The following NAT1 variants were observed in gnomAD, a reference collection of about 807,000 sequenced individuals.
NAT1 encodes arylamine N-acetyltransferase 1.
For synonymous variants in NAT1, 144 were observed against 122.6 expected, an observed-to-expected ratio of 1.17 and a Z score of -1.16; for missense variants, 400 against 339.2, an observed-to-expected ratio of 1.18 and a Z score of -1.41.
chr8:18,222,657 T>C lies in NAT1; in HGVS notation c.610T>C (p.Ser204Pro). Reference protein sequence around the residue: ...LKPRTIEDFESMNTYLQTSPS... With the variant: ...LKPRTIEDFEPMNTYLQTSPS... ...GCCTCGAACAATTGAAGATTTTGAGTCTATGAATACATACCTGCAGACATC... is the reference window on the plus strand; with the variant it reads ...GCCTCGAACAATTGAAGATTTTGAGCCTATGAATACATACCTGCAGACATC... The change falls in exon 3 of 3, where the codon TCT becomes CCT. Residue 204 changes from serine (S) to proline (P), a missense_variant. Ser to Pro is a moderately conservative substitution (Grantham distance 74, BLOSUM62 -1). Coordinates refer to ENST00000307719, the MANE Select transcript of NAT1 (RefSeq NM_000662.8). 6.2e-7 allele frequency: 1 copy of C among 1,613,612 alleles called. No individual in the cohort carries two copies. Among genetic ancestry groups the C allele is most frequent in the Non-Finnish European group, 8.5e-7 (1 of 1,179,862 alleles).
chr8:18,190,773 G>A (rs114125092), intron 2 of NAT1, among the ~76,000 whole-genome samples: 1 of 151,958 alleles, frequency 6.6e-6, no homozygotes, highest in Non-Finnish European at 1.5e-5. Context: ...TATATAGATA[G>A]GTAATAAACA....
At chr8:18,186,293 C>T (rs1802732161) in intron 2 of NAT1, among the ~76,000 whole-genome samples, 1 of 152,106 alleles carries the variant, frequency 6.6e-6, no homozygotes, top group South Asian at 2.1e-4. Flanking sequence ...TATGATTGTA[C>T]ATCTAGAATT....
intron 2 of NAT1, among the ~76,000 whole-genome samples, chr8:18,173,439 G>C (rs1179112759): frequency 6.6e-6 from 1 of 151,996 alleles, no homozygotes; most frequent in Non-Finnish European, 1.5e-5. Flanking sequence ...TCACTACACA[G>C]AGGAAAAGCA....
chr8:18,220,981 T>C (rs1805220041), intron 2 of NAT1, among the ~76,000 whole-genome samples: 1 of 152,200 alleles, frequency 6.6e-6, no homozygotes, highest in East Asian at 1.9e-4. Context: ...GAAACATCAC[T>C]TTGATTGTGG....
chr8:18,209,512 C>T (rs1366857139), upstream of NAT1, among the ~76,000 whole-genome samples: 3 of 152,090 alleles, frequency 2.0e-5, no homozygotes, highest in Non-Finnish European at 4.4e-5. Context: ...TAAGAAACAG[C>T]AAGAGTTGTA....
At chr8:18,188,808 A>G (rs1438378133) in intron 2 of NAT1, among the ~76,000 whole-genome samples, 4 of 151,742 alleles carry the variant, frequency 2.6e-5, no homozygotes, top group African/African-American at 9.7e-5. Context: ...CAGCCTGGCC[A>G]ACATGATGAA....
At chr8:18,204,878 A>G (rs28680706) in intron 2 of NAT1, among the ~76,000 whole-genome samples, 1,662 of 152,312 alleles carry the variant, frequency 0.011, 35 homozygotes, top group African/African-American at 0.038. Flanking sequence ...TTTGATGACC[A>G]TGAAGTTTTG....
chr8:18,208,775 C>T (rs1803848066), upstream of NAT1, among the ~76,000 whole-genome samples: 1 of 152,196 alleles, frequency 6.6e-6, no homozygotes. Context: ...TGATTCTAGG[C>T]TGGAGGCCAC....
chr8:18,195,523 C>G lies in NAT1; in HGVS notation n.93-14258C>G, dbSNP rs534731996. ...CCTTGGTGGAAGTTTGGACCCATCC[C>G]CAGAGAACTGTATACGCTTCCTGCT... On this transcript the variant is annotated intron_variant and non_coding_transcript_variant, in intron 2 of 4. Coordinates refer to the NAT1 transcript ENST00000517441. Among the ~76,000 whole-genome samples the G allele has an allele frequency of 5.9e-5, 9 of 152,240 alleles. No individual in the cohort carries two copies. In the East Asian group the frequency reaches 1.5e-3, roughly 26 times the overall value.
intron 2 of NAT1, among the ~76,000 whole-genome samples, chr8:18,198,193 G>C (rs1392341239): frequency 1.3e-5 from 2 of 152,020 alleles, no homozygotes; most frequent in Admixed American, 1.3e-4. Flanking sequence ...TCTTCCTCCA[G>C]AATCAGAGAA....
At chr8:18,211,655 T>C (rs3850751) in intron 1 of NAT1, among the ~76,000 whole-genome samples, 53,333 of 151,952 alleles carry the variant, frequency 0.35, 10,554 homozygotes, top group Non-Finnish European at 0.45. Flanking sequence ...AGAACAACTG[T>C]TGAATGATGG....
chr8:18,205,682 A>G (rs1180048894), upstream of NAT1, among the ~76,000 whole-genome samples: 1 of 152,178 alleles, frequency 6.6e-6, no homozygotes, highest in Non-Finnish European at 1.5e-5. Context: ...CAGCAAAGCA[A>G]TGTGAGGAGT....
chr8:18,222,668 A>G lies in NAT1; in HGVS notation c.621A>G (p.Thr207=), dbSNP rs1324628437. Residue 207 remains threonine (T), a synonymous_variant, in exon 3 of 3, where the codon ACA becomes ACG. Coordinates refer to ENST00000307719, the MANE Select transcript of NAT1 (RefSeq NM_000662.8). ...RTIEDFESMN[T]YLQTSPSSVF... is the part of the protein sequence containing the mutation. Reference sequence around the variant, plus strand: ...TTGAAGATTTTGAGTCTATGAATACATACCTGCAGACATCTCCATCATCTG... The same window carrying G: ...TTGAAGATTTTGAGTCTATGAATACGTACCTGCAGACATCTCCATCATCTG... 4 of 1,613,736 alleles carry G rather than the reference A, an allele frequency of 2.5e-6. No homozygotes were observed. The highest frequency in any genetic ancestry group is 2.5e-6 in the Non-Finnish European group (3 of 1,179,966).
intron 2 of NAT1, 98 bp from the exon 3 acceptor site, chr8:18,221,944 T>C (rs1805343045): frequency 1.6e-6 from 2 of 1,235,132 alleles, no homozygotes; most frequent in Non-Finnish European, 1.1e-6. Context: ...CTTATAACCA[T>C]TGTATTTTTA....
intron 2 of NAT1, among the ~76,000 whole-genome samples, chr8:18,193,506 A>ATATATAAT (rs748465170): frequency 7.5e-6 from 1 of 132,486 alleles, no homozygotes; most frequent in African/African-American, 3.4e-5. Context: ...ATATATATAT[A>ATATATAAT]ATATATATAT....
chr8:18,190,297 G>C (rs180942674), intron 2 of NAT1, among the ~76,000 whole-genome samples: 10 of 152,330 alleles, frequency 6.6e-5, no homozygotes, highest in African/African-American at 2.4e-4. Context: ...GTGTGAAAGT[G>C]TGTGTCCTTG....
At chr8:18,191,670 C>A (rs1264052476) in intron 2 of NAT1, among the ~76,000 whole-genome samples, 7 of 151,904 alleles carry the variant, frequency 4.6e-5, no homozygotes, top group Non-Finnish European at 7.4e-5. Flanking sequence ...CAGAACAGAG[C>A]CCTCAGAAAT....
chr8:18,190,506 C>G (rs1165795865), intron 2 of NAT1, among the ~76,000 whole-genome samples: 1 of 152,106 alleles, frequency 6.6e-6, no homozygotes, highest in African/African-American at 2.4e-5. Flanking sequence ...GTTTATTAGC[C>G]CAGGCGAAAA....
chr8:18,222,904 G>T lies in NAT1; in HGVS notation c.857G>T (p.Arg286Ile), dbSNP rs1805499632. The T allele has an allele frequency of 6.4e-7, 1 of 1,554,522 alleles. No individual in the cohort carries two copies. Residue 286 changes from arginine (R) to isoleucine (I), a missense_variant, in exon 3 of 3, where the codon AGA becomes ATA. Transcript: ENST00000307719. ...QRKLVPKHGD[R>I]FFTI ...AAGCTTGTGCCCAAACATGGTGATA[G>T]ATTTTTTACTATTTAGAATAAGGAG...
Sources: allele counts gnomAD v4.1 joint callset (sites outside exome capture counted in the v4.1 genomes callset), GRCh38; gene constraint gnomAD v4.1.1; transcripts MANE v1.5; gene names NCBI Gene and HGNC (gene_info 2026-07-23, HGNC 2026-07-21).